ADH7: variants seen among roughly 807,000 people sequenced by gnomAD.
ADH7 encodes the protein all-trans-retinol dehydrogenase [NAD(+)] ADH7.
A neutral mutation model predicts 34.4 loss-of-function variants in ADH7; 41 were observed. The observed-to-expected ratio is 1.19, with a 90% CI of 0.93 to 1.55. The LOEUF is 1.55. ADH7 is among the 40% of genes most tolerant of loss of function. The pLI is 0.00. For synonymous variants in ADH7, 180 were observed against 160.9 expected (o/e 1.12, Z -0.90); for missense variants, 540 against 461.2 (o/e 1.17, Z -1.56).
intron 5 of ADH7, among the ~76,000 whole-genome samples, chr4:99,427,535 G>A (rs190286955): frequency 1.8e-3 from 276 of 152,254 alleles, no homozygotes; most frequent in Non-Finnish European, 3.0e-3. Flanking sequence ...ATGGAGAAAT[G>A]ATGCAGTTTG....
Position 99,422,012 on chromosome 4 carries a change from G to A in ADH7, c.565-1219C>T, listed in dbSNP as rs548919651. 1.2e-4 allele frequency among the ~76,000 whole-genome samples: 18 copies of A among 152,334 alleles called. No individual in the cohort carries two copies. In the East Asian group the frequency reaches 1.9e-3, roughly 16 times the overall value. ...AAAAGTCAGGAAACAATCGATGCTC[G>A]TGATGCTATGGAGAAATAAGAACGC... On this transcript the variant is annotated intron_variant, in intron 5 of 8. Coordinates refer to ENST00000437033, the MANE Select transcript of ADH7 (RefSeq NM_000673.7).
At chr4:99,428,305 G>C in intron 3 of ADH7, 131 bp from the exon 4 acceptor site, 4 of 1,213,768 alleles carry the variant, frequency 3.3e-6, no homozygotes, top group Non-Finnish European at 4.6e-6. Context: ...AACACCGTAA[G>C]GTTTGCCTTC....
intron 5 of ADH7, among the ~76,000 whole-genome samples, chr4:99,421,131 C>T (rs368275019): frequency 3.3e-5 from 5 of 152,220 alleles, no homozygotes; most frequent in African/African-American, 1.2e-4. Context: ...ACTTTCTACA[C>T]AGAATTAGAA....
chr4:99,425,566 C>G (rs1404809108), intron 5 of ADH7, among the ~76,000 whole-genome samples: 2 of 152,072 alleles, frequency 1.3e-5, no homozygotes, highest in African/African-American at 4.8e-5. Flanking sequence ...AAAGCAAGCC[C>G]TGAGTGACCT....
chr4:99,431,092 C>G (rs867274141), intron 1 of ADH7, among the ~76,000 whole-genome samples: 27 of 152,212 alleles, frequency 1.8e-4, no homozygotes, highest in African/African-American at 5.8e-4. Context: ...GCCACTGTGC[C>G]TGGCCCAAGA....
At chr4:99,416,843 C>T (rs1721530322) in intron 7 of ADH7, among the ~76,000 whole-genome samples, 1 of 152,130 alleles carries the variant, frequency 6.6e-6, no homozygotes, top group African/African-American at 2.4e-5. Flanking sequence ...CCAAACCACT[C>T]CTGGTTTCTA....
chr4:99,431,729 A>G (rs1721941085), intron 1 of ADH7, among the ~76,000 whole-genome samples: 2 of 152,234 alleles, frequency 1.3e-5, no homozygotes, highest in South Asian at 2.1e-4. Flanking sequence ...AATACTCAAC[A>G]TCACTAATCA....
In ADH7 at chr4:99,427,755, G is replaced by A. The variant is rs368065575; in HGVS notation, c.564+18C>T. ...AAAGGAAAGAAGAACAAATAAACTA[G>A]CCTACCCTGTTTCTTACCTTGCCAG... On this transcript the variant is annotated intron_variant, in intron 5 of 8. Coordinates refer to ENST00000437033, the MANE Select transcript of ADH7 (RefSeq NM_000673.7). The A allele has an allele frequency of 6.8e-6, 10 of 1,478,972 alleles. No individual in the cohort carries two copies. The highest frequency in any genetic ancestry group is 9.0e-6 in the Non-Finnish European group (10 of 1,110,290). The allele number at this position is 1,478,972 out of a possible 1,614,324, so 91.6% of individuals were successfully genotyped here.
intron 1 of ADH7, among the ~76,000 whole-genome samples, chr4:99,433,404 A>AAC (rs894248906): frequency 3.9e-5 from 6 of 152,202 alleles, no homozygotes; most frequent in Admixed American, 1.3e-4. Context: ...AATAGAAGGA[A>AAC]ACACACACAC....
At chr4:99,424,805 A>G (rs577353291) in intron 5 of ADH7, among the ~76,000 whole-genome samples, 4 of 152,224 alleles carry the variant, frequency 2.6e-5, no homozygotes, top group African/African-American at 4.8e-5. Flanking sequence ...TAGATATACA[A>G]TCATGTCATC....
At position 99,422,816 on chromosome 4, in the gene ADH7, T is replaced by C. The variant is rs193268592; in HGVS notation, c.565-2023A>G. Among the ~76,000 whole-genome samples the C allele has an allele frequency of 5.7e-3, 855 of 149,192 alleles. 2 individuals are homozygous for C. The highest frequency in any genetic ancestry group is 9.3e-3 in the Non-Finnish European group (626 of 67,410). Reference sequence around the variant, plus strand: ...ATTAGGTCAAAGATTCTTTTTTTTTTCTAATAAAATAGACCTATTTTATTT... The same window carrying C: ...ATTAGGTCAAAGATTCTTTTTTTTTCCTAATAAAATAGACCTATTTTATTT... On this transcript the variant is annotated intron_variant, in intron 5 of 8. Transcript: ENST00000437033.
intron 1 of ADH7, among the ~76,000 whole-genome samples, chr4:99,433,754 C>T (rs1052685853): frequency 6.6e-6 from 1 of 152,074 alleles, no homozygotes; most frequent in African/African-American, 2.4e-5. Context: ...CAGAAGAAAC[C>T]AACCCTGATG....
intron 7 of ADH7, among the ~76,000 whole-genome samples, chr4:99,417,967 A>G (rs1475852125): frequency 6.6e-6 from 1 of 152,192 alleles, no homozygotes; most frequent in East Asian, 1.9e-4. Flanking sequence ...ATGTTGCAGA[A>G]AGAGGAAAAA....
intron 5 of ADH7, among the ~76,000 whole-genome samples, chr4:99,423,211 C>A (rs1270995039): frequency 6.7e-6 from 1 of 150,362 alleles, no homozygotes; most frequent in Non-Finnish European, 1.5e-5. Flanking sequence ...ATGAACTCAT[C>A]ATTTTTTATG....
chr4:99,418,961 C>T (rs1560560626), intron 7 of ADH7, 25 bp downstream of exon 7: 2 of 1,611,524 alleles, frequency 1.2e-6, no homozygotes, highest in Non-Finnish European at 1.7e-6. Flanking sequence ...CATCACTCCC[C>T]ATCCAGAGGC....
intron 5 of ADH7, among the ~76,000 whole-genome samples, chr4:99,425,339 G>A (rs1043462491): frequency 6.6e-6 from 1 of 152,052 alleles, no homozygotes; most frequent in African/African-American, 2.4e-5. Flanking sequence ...GACACACATA[G>A]GCTCAAAATA....
intron 5 of ADH7, among the ~76,000 whole-genome samples, chr4:99,424,280 A>G (rs1721744721): frequency 6.6e-6 from 1 of 152,206 alleles, no homozygotes; most frequent in Non-Finnish European, 1.5e-5. Context: ...TTGTTACTGT[A>G]GCCTTGTAGT....
chr4:99,422,730 T>A (rs1351429659), intron 5 of ADH7, among the ~76,000 whole-genome samples: 6 of 151,874 alleles, frequency 4.0e-5, no homozygotes. Context: ...AAACAAAAAT[T>A]AAATCTAGAA....
chr4:99,416,677 G>C (rs60764965), intron 7 of ADH7, among the ~76,000 whole-genome samples: 1 of 152,014 alleles, frequency 6.6e-6, no homozygotes, highest in Non-Finnish European at 1.5e-5. Context: ...GACCTCCTCT[G>C]GTCTTGTGGC....
Sources: allele counts gnomAD v4.1 joint callset (sites outside exome capture counted in the v4.1 genomes callset), GRCh38; gene constraint gnomAD v4.1.1; transcripts MANE v1.5; gene names NCBI Gene and HGNC (gene_info 2026-07-23, HGNC 2026-07-21).